DNAH8: variants seen among roughly 807,000 people sequenced by gnomAD.
DNAH8 encodes dynein axonemal heavy chain 8.
DNAH8 carries 382 observed loss-of-function variants against 562.1 expected under a neutral mutation model. The observed-to-expected ratio is 0.68, with a 90% CI of 0.63 to 0.74. The LOEUF is 0.74. Among genes scored for constraint, DNAH8 ranks in the 30% least tolerant of loss-of-function variants. The pLI is 0.00. For synonymous variants in DNAH8, 1,881 were observed against 1,919.4 expected, an observed-to-expected ratio of 0.98 and a Z score of 0.52; for missense variants, 5,203 against 5,620.4, an observed-to-expected ratio of 0.93 and a Z score of 2.37.
chr6:38,923,305 C>A, intron 72 of DNAH8, 120 bp downstream of exon 72: 2 of 1,182,940 alleles, frequency 1.7e-6, no homozygotes, highest in Non-Finnish European at 2.3e-6. Flanking sequence ...CAACTTAAAT[C>A]ATGCACTCTC....
At position 38,862,422 on chromosome 6, in the gene DNAH8, C is replaced by G; in HGVS notation, c.6274C>G (p.Gln2092Glu). 1.9e-6 allele frequency: 3 copies of G among 1,613,802 alleles called. No homozygotes were observed. Among genetic ancestry groups the G allele is most frequent in the Non-Finnish European group, 2.5e-6 (3 of 1,179,848 alleles). ...KYVVVFNCSDQMDFRGLGRIF... is the reference protein window; with the variant it reads ...KYVVVFNCSDEMDFRGLGRIF... ...TGTGGTCGTGTTCAATTGCTCAGAT[C>G]AAATGGATTTCAGAGGCCTAGGAAG... is the stretch of plus-strand genomic sequence containing the variant. Residue 2092 changes from glutamine to glutamate, a missense_variant, in exon 44 of 93, where the codon CAA becomes GAA. Gln to Glu is a conservative substitution (Grantham distance 29). Transcript: ENST00000327475.
intron 52 of DNAH8, among the ~76,000 whole-genome samples, chr6:38,874,526 T>G (rs926277426): frequency 6.6e-6 from 1 of 151,278 alleles, no homozygotes; most frequent in African/African-American, 2.4e-5. Context: ...CACACCACCA[T>G]GCCCAGCTAA....
chr6:38,740,345 C>A (rs975416943), intron 7 of DNAH8, among the ~76,000 whole-genome samples: 32 of 152,156 alleles, frequency 2.1e-4, no homozygotes, highest in African/African-American at 7.0e-4. Context: ...TGATATACCT[C>A]CCCATTTAGG....
rs12530344 is a variant in DNAH8, at chr6:38,715,776, G to C, written c.-35+361G>C. ...AGACTCAGAAGGGGAAGGGTGGGAG[G>C]GGGGTGAGGGATGAAACAACTACAT... On this transcript the variant is annotated intron_variant, in intron 1 of 92. Coordinates refer to ENST00000327475, the MANE Select transcript of DNAH8 (RefSeq NM_001206927.2). Among the ~76,000 whole-genome samples the C allele has an allele frequency of 4.3e-4, 65 of 149,468 alleles. 1 individual carries two copies. The highest frequency in any genetic ancestry group is 1.2e-3 in the African/African-American group (50 of 40,864).
At chr6:38,815,270 A>G (rs1772140424) in intron 25 of DNAH8, among the ~76,000 whole-genome samples, 198 bp from the exon 26 acceptor site, 2 of 152,188 alleles carry the variant, frequency 1.3e-5, no homozygotes, top group African/African-American at 4.8e-5. Context: ...TGAGGCTTGC[A>G]GGAATCGATA....
rs1236731296 is a variant in DNAH8, at chr6:38,918,110, T to C, written c.10494T>C (p.Tyr3498=). The C allele has an allele frequency of 1.9e-6, 3 of 1,613,618 alleles. No homozygotes were observed. In the Admixed American group the frequency reaches 5.0e-5, roughly 27 times the overall value. ...LSWTLAMAIF[Y]GINREVLPLK... ...GGACACTTGCTATGGCAATATTTTATGGCATCAATAGAGAAGTGTTGCCTC... is the reference window on the plus strand; with the variant it reads ...GGACACTTGCTATGGCAATATTTTACGGCATCAATAGAGAAGTGTTGCCTC... The change falls in exon 70 of 93, where the codon TAT becomes TAC. Residue 3498 remains tyrosine (Y), a synonymous_variant. Coordinates refer to ENST00000327475, the MANE Select transcript of DNAH8 (RefSeq NM_001206927.2).
rs79081701 is a variant in DNAH8 at position 38,974,084 on chromosome 6, C to T, written c.12678+271C>T. 1.6e-3 allele frequency among the ~76,000 whole-genome samples: 247 copies of T among 152,222 alleles called. 2 individuals are homozygous for T. The highest frequency in any genetic ancestry group is 5.3e-3 in the African/African-American group (221 of 41,530). On this transcript the variant is annotated intron_variant, in intron 84 of 92. Coordinates refer to ENST00000327475, the MANE Select transcript of DNAH8 (RefSeq NM_001206927.2). ...GTTTATACAATGCTGAACTTTGCCC[C>T]CACTTTATGTACCATAAGCATATTG...
chr6:38,756,142 T>G (rs1765888715), intron 10 of DNAH8, 63 bp downstream of exon 10: 6 of 1,035,680 alleles, frequency 5.8e-6, no homozygotes, highest in African/African-American at 1.6e-5. Context: ...TCTTTCCTTC[T>G]GAGCCCTAGG....
intron 1 of DNAH8, among the ~76,000 whole-genome samples, chr6:38,718,261 A>G (rs147818112): frequency 6.6e-6 from 1 of 152,152 alleles, no homozygotes; most frequent in African/African-American, 2.4e-5. Context: ...GTGTCTGTAT[A>G]TATATTGTAT....
At position 38,883,940 on chromosome 6, in the gene DNAH8, A is replaced by G; in HGVS notation, c.8201A>G (p.Lys2734Arg). The stretch of plus-strand genomic sequence containing the variant: ...ACATATGGGCCACCAGGAGGGAGAA[A>G]AATGACTGTATTTATTGATGATATT... ...GSTYGPPGGR[K>R]MTVFIDDINM... Residue 2734 changes from lysine (K) to arginine (R), a missense_variant, in exon 56 of 93, where the codon AAA becomes AGA. This residue lies in a region of DNAH8 where 977 missense variants were observed against 1,061.8 expected (regional missense o/e 0.92). Coordinates refer to ENST00000327475, the MANE Select transcript of DNAH8 (RefSeq NM_001206927.2). 1 of 1,591,966 alleles carries G rather than the reference A, an allele frequency of 6.3e-7. No homozygotes were observed. Among genetic ancestry groups the G allele is most frequent in the South Asian group, 1.1e-5 (1 of 87,582 alleles).
chr6:38,844,815 T>C (rs1678738), intron 35 of DNAH8, among the ~76,000 whole-genome samples: 28,391 of 151,902 alleles, frequency 0.19, 3,076 homozygotes, highest in East Asian at 0.29. Flanking sequence ...TCCCAGAGAG[T>C]CTCTGCTGGA....
At chr6:38,838,184 T>G (rs755081244) in intron 33 of DNAH8, 142 bp downstream of exon 33, 3 of 583,852 alleles carry the variant, frequency 5.1e-6, no homozygotes, top group Non-Finnish European at 8.8e-6. Context: ...ATTCCAGCTA[T>G]TCTTTACAAA....
At chr6:38,872,859 T>C in intron 50 of DNAH8, 47 bp from the exon 51 acceptor site, 1 of 1,606,664 alleles carries the variant, frequency 6.2e-7, no homozygotes, top group South Asian at 1.1e-5. Context: ...TTTTCCATTT[T>C]AATTACTTGC....
chr6:38,757,099 G>C (rs1286542189), intron 10 of DNAH8, among the ~76,000 whole-genome samples: 5 of 152,162 alleles, frequency 3.3e-5, no homozygotes, highest in African/African-American at 1.2e-4. Flanking sequence ...TCGCCACACT[G>C]ACTTCCACAA....
At chr6:38,932,231 C>T (rs531825191) in intron 76 of DNAH8, among the ~76,000 whole-genome samples, 80 of 139,802 alleles carry the variant, frequency 5.7e-4, no homozygotes, top group African/African-American at 1.8e-3. Flanking sequence ...TCTCTTTCTA[C>T]TTCTGTCTTT....
At chr6:38,954,771 A>G (rs181644456) in intron 82 of DNAH8, among the ~76,000 whole-genome samples, 1 of 152,334 alleles carries the variant, frequency 6.6e-6, no homozygotes, top group East Asian at 1.9e-4. Context: ...TTATAGAAAC[A>G]TATGAATTTA....
intron 55 of DNAH8, 98 bp downstream of exon 55, chr6:38,883,554 A>G (rs1383163822): frequency 7.7e-7 from 1 of 1,304,922 alleles, no homozygotes. Flanking sequence ...AAAATATTAT[A>G]TATTCAAAAG....
intron 10 of DNAH8, among the ~76,000 whole-genome samples, chr6:38,757,895 G>T (rs200053927): frequency 5.9e-5 from 9 of 152,092 alleles, no homozygotes; most frequent in African/African-American, 1.9e-4. Flanking sequence ...CTGTTTTGGT[G>T]CCAGTACATG....
chr6:38,993,381 G>T lies in DNAH8; in HGVS notation c.13214+3209G>T, dbSNP rs530679267. ...GATTAATGATTTTTTTTTCTGTGTG[G>T]TTATGCTATCAACTGATATATAGTT... On this transcript the variant is annotated intron_variant, in intron 88 of 92. Coordinates refer to ENST00000327475, the MANE Select transcript of DNAH8 (RefSeq NM_001206927.2). Among the ~76,000 whole-genome samples, 47 of 152,090 alleles carry T rather than the reference G, an allele frequency of 3.1e-4. 1 individual carries two copies. Among genetic ancestry groups the T allele is most frequent in the Admixed American group, 2.6e-3 (39 of 15,262 alleles).
Sources: gnomAD v4.1 joint callset for allele counts (sites outside exome capture counted in the v4.1 genomes callset) on GRCh38, gnomAD v4.1.1 for gene constraint, gnomAD v4.1.1 regional missense constraint, MANE v1.5 for transcripts, NCBI Gene and HGNC (gene_info 2026-07-23, HGNC 2026-07-21) for gene names.